Variants in KIF3C observed in about 807,000 individuals in gnomAD.
KIF3C encodes kinesin family member 3C.
Under a neutral mutation model 67.7 loss-of-function variants are expected in KIF3C, and 12 were observed. The ratio of observed to expected loss-of-function variants is 0.18; its 90% CI spans 0.11 to 0.29. The LOEUF is 0.29. Ranked by LOEUF, KIF3C falls within the 10% of genes least tolerant of loss-of-function variation. The pLI, the probability that KIF3C is intolerant of heterozygous loss-of-function variation, is 1.00. For synonymous variants in KIF3C, 393 were observed against 426.2 expected, an observed-to-expected ratio of 0.92 and a Z score of 0.96; for missense variants, 789 against 1,059.6, an observed-to-expected ratio of 0.74 and a Z score of 3.55.
intron 1 of KIF3C, among the ~76,000 whole-genome samples, chr2:25,970,345 A>G (rs1193614553): frequency 1.3e-5 from 2 of 152,176 alleles, no homozygotes; most frequent in Non-Finnish European, 2.9e-5. Context: ...CGTGAGGATG[A>G]AGCAAAATGA....
intron 5 of KIF3C, among the ~76,000 whole-genome samples, chr2:25,948,184 T>C (rs1346593042): frequency 6.6e-6 from 1 of 152,032 alleles, no homozygotes; most frequent in Non-Finnish European, 1.5e-5. Flanking sequence ...ATCACACCAC[T>C]GCACTCTAGC....
chr2:25,971,739 G>A (rs1044790566), intron 1 of KIF3C, among the ~76,000 whole-genome samples: 4 of 151,898 alleles, frequency 2.6e-5, no homozygotes, highest in African/African-American at 7.3e-5. Context: ...TTGGGGTCTC[G>A]CTCTGTTGTC....
At chr2:25,968,820 C>CTT (rs71399338) in intron 1 of KIF3C, among the ~76,000 whole-genome samples, 10 of 144,588 alleles carry the variant, frequency 6.9e-5, no homozygotes, top group Non-Finnish European at 1.2e-4. Context: ...AAGGAATCAT[C>CTT]TTTTTTTTTT....
intron 1 of KIF3C, among the ~76,000 whole-genome samples, chr2:25,969,889 T>C (rs775779048): frequency 2.0e-5 from 3 of 152,194 alleles, no homozygotes; most frequent in Non-Finnish European, 2.9e-5. Context: ...CTAATTTTTG[T>C]ATTTTTGGTA....
Position 25,956,141 on chromosome 2 carries a change from C to T in KIF3C, c.1647+202G>A, listed in dbSNP as rs537111992. Among the ~76,000 whole-genome samples, 3 of 152,306 alleles carry T rather than the reference C, an allele frequency of 2.0e-5. No individual in the cohort carries two copies. The East Asian group carries it at 5.8e-4, about 29-fold the overall frequency. On this transcript the variant is annotated intron_variant, in intron 2 of 7. Transcript: ENST00000264712. Reference sequence around the variant, plus strand: ...TGATGTTATGGAGAGCTATCACGTCCTCTCGCCCACCAGCTAGCAGTGCCC... The same window carrying T: ...TGATGTTATGGAGAGCTATCACGTCTTCTCGCCCACCAGCTAGCAGTGCCC...
At position 25,945,082 on chromosome 2, in the gene KIF3C, G is replaced by A. The variant is rs1407376442; in HGVS notation, c.2006+6707C>T. ...GGAGGTGGAGGTTGCAGTGAACCGA[G>A]ATCACACCATTGCACTCCAGCTTGG... On this transcript the variant is annotated intron_variant, in intron 5 of 7. Coordinates refer to ENST00000264712, the MANE Select transcript of KIF3C (RefSeq NM_002254.8). Among the ~76,000 whole-genome samples the A allele has an allele frequency of 2.0e-5, 3 of 149,982 alleles. No individual in the cohort carries two copies. The Admixed American group carries it at 2.0e-4, about 10-fold the overall frequency.
intron 1 of KIF3C, among the ~76,000 whole-genome samples, chr2:25,962,817 TAATATATAAAATATATAAAA>T (rs1559555127): frequency 2.5e-5 from 2 of 79,748 alleles, no homozygotes; most frequent in African/African-American, 1.2e-4. Flanking sequence ...ATAATATATA[TAATATATAAAATATATAAAA>T]TATATAATAT....
In KIF3C at chr2:25,954,287, C is replaced by T. The variant is rs143268048; in HGVS notation, c.1869G>A (p.Gln623=). 5.0e-6 allele frequency: 8 copies of T among 1,613,902 alleles called. No individual in the cohort carries two copies. In the African/African-American group the frequency reaches 1.1e-4, roughly 22 times the overall value. ...CCTACTTGAGCTTGAGTTCGCGGGT[C>T]TGCTCGTTCTGCGCCTCCTCCAGGT... ...RQDLEEAQNE[Q]TRELKLKYLI... is the part of the protein sequence containing the mutation. Residue 623 remains glutamine (Q), a synonymous_variant, in exon 4 of 8, where the codon CAG becomes CAA. Coordinates refer to ENST00000264712, the MANE Select transcript of KIF3C (RefSeq NM_002254.8).
At chr2:25,952,011 GC>G in intron 4 of KIF3C, 106 bp from the exon 5 acceptor site, 1 of 796,124 alleles carries the variant, frequency 1.3e-6, no homozygotes, top group South Asian at 1.5e-5. Context: ...GGCAGAGGGG[GC>G]TGGGCACGGT....
intron 1 of KIF3C, among the ~76,000 whole-genome samples, chr2:25,977,271 G>A (rs1159957179): frequency 6.6e-6 from 1 of 152,132 alleles, no homozygotes; most frequent in African/African-American, 2.4e-5. Context: ...GGGAGAGCTG[G>A]CGAGACAGAC....
intron 5 of KIF3C, 171 bp downstream of exon 5, chr2:25,951,618 C>G (rs1196380070): frequency 1.7e-6 from 1 of 573,266 alleles, no homozygotes; most frequent in East Asian, 3.0e-5. Context: ...ATCATAGAGA[C>G]CCCTACAATT....
intron 1 of KIF3C, among the ~76,000 whole-genome samples, chr2:25,964,501 C>G (rs1361284615): frequency 1.3e-5 from 2 of 151,934 alleles, no homozygotes; most frequent in Non-Finnish European, 2.9e-5. Context: ...GGGTCTTGCT[C>G]TGTTGCCCAG....
At chr2:25,932,529 A>T (rs1393102698) in intron 5 of KIF3C, among the ~76,000 whole-genome samples, 1 of 151,752 alleles carries the variant, frequency 6.6e-6, no homozygotes, top group Non-Finnish European at 1.5e-5. Context: ...CACATTTCTC[A>T]GTTTCAAAAC....
intron 5 of KIF3C, chr2:25,938,425 G>C (rs1053902712): frequency 1.6e-5 from 6 of 365,522 alleles, no homozygotes; most frequent in Non-Finnish European, 2.7e-5. Flanking sequence ...GCCACAGGGT[G>C]GGGGTTCCCC....
intron 5 of KIF3C, chr2:25,951,493 C>T (rs1396427469): frequency 2.9e-6 from 1 of 346,742 alleles, no homozygotes; most frequent in East Asian, 6.5e-5. Flanking sequence ...CAGATGTTAG[C>T]ATTCGCTAGG....
chr2:25,962,416 G>T (rs1251698112), intron 1 of KIF3C, among the ~76,000 whole-genome samples: 1 of 151,570 alleles, frequency 6.6e-6, no homozygotes, highest in African/African-American at 2.4e-5. Flanking sequence ...TTTCGCTCTT[G>T]TTGCCCAGGC....
chr2:25,945,879 G>T (rs1424045136), intron 5 of KIF3C, among the ~76,000 whole-genome samples: 1 of 152,100 alleles, frequency 6.6e-6, no homozygotes, highest in Non-Finnish European at 1.5e-5. Flanking sequence ...GGAAGGCCGA[G>T]GTAGGAAGAT....
chr2:25,953,367 AT>A (rs979613732), intron 4 of KIF3C, among the ~76,000 whole-genome samples: 26 of 149,116 alleles, frequency 1.7e-4, no homozygotes, highest in South Asian at 4.3e-4. Context: ...TTTAAAAATA[AT>A]TTTTTTTTTT....
chr2:25,962,369 GT>G (rs957098002), intron 1 of KIF3C, among the ~76,000 whole-genome samples: 11 of 150,822 alleles, frequency 7.3e-5, no homozygotes, highest in African/African-American at 2.7e-4. Context: ...ATTTTCCCTG[GT>G]TTTTTTTTGT....
Sources: gnomAD v4.1 joint callset for allele counts (sites outside exome capture counted in the v4.1 genomes callset) on GRCh38, gnomAD v4.1.1 for gene constraint, MANE v1.5 for transcripts, NCBI Gene and HGNC (gene_info 2026-07-23, HGNC 2026-07-21) for gene names.